Variants in THADA observed in about 807,000 individuals in gnomAD.
The protein encoded by THADA is THADA armadillo repeat containing.
THADA carries 213 observed loss-of-function variants against 219.8 expected under a neutral mutation model. That is an observed-to-expected ratio of 0.97 (90% CI 0.87 to 1.09). The LOEUF (loss-of-function observed/expected upper bound fraction) is 1.09. Ranked by LOEUF, THADA falls within the 50% of genes least tolerant of loss-of-function variation. The pLI, the probability that THADA is intolerant of heterozygous loss-of-function variation, is 0.00. For missense variants in THADA, 2,956 were observed against 2,311.3 expected, an observed-to-expected ratio of 1.28 and a Z score of -5.72; for synonymous variants, 1,018 against 828.9, an observed-to-expected ratio of 1.23 and a Z score of -3.92.
intron 36 of THADA, among the ~76,000 whole-genome samples, chr2:43,268,911 C>G (rs1022736169): frequency 6.6e-6 from 1 of 152,172 alleles, no homozygotes; most frequent in Non-Finnish European, 1.5e-5. Context: ...GAGGAGTCAT[C>G]CTCACTGAAC....
At chr2:43,550,693 C>A (rs1348250321) in intron 19 of THADA, among the ~76,000 whole-genome samples, 2 of 152,196 alleles carry the variant, frequency 1.3e-5, no homozygotes, top group Non-Finnish European at 2.9e-5. Flanking sequence ...TCTGTAGGAT[C>A]TACCCACAGT....
At chr2:43,354,058 C>A (rs547094130) in intron 29 of THADA, among the ~76,000 whole-genome samples, 1 of 152,008 alleles carries the variant, frequency 6.6e-6, no homozygotes, top group Non-Finnish European at 1.5e-5. Flanking sequence ...ACCTCGTGAT[C>A]CGCCCGCCTC....
At chr2:43,414,488 A>G (rs7605725) in intron 28 of THADA, among the ~76,000 whole-genome samples, 51,693 of 152,058 alleles carry the variant, frequency 0.34, 9,023 homozygotes, top group Middle Eastern at 0.42. Context: ...GCTTGAGGTG[A>G]GGAATGAACC....
At chr2:43,588,900 T>A (rs971755811) in intron 4 of THADA, among the ~76,000 whole-genome samples, 1 of 152,164 alleles carries the variant, frequency 6.6e-6, no homozygotes, top group Non-Finnish European at 1.5e-5. Flanking sequence ...AATTACTTTA[T>A]ACCATGTAAT....
chr2:43,436,674 C>G (rs919204474), intron 26 of THADA, among the ~76,000 whole-genome samples: 9 of 152,144 alleles, frequency 5.9e-5, no homozygotes, highest in African/African-American at 2.2e-4. Context: ...TTAAGCAATC[C>G]TTCCAAAACC....
Position 43,291,717 on chromosome 2 carries a change from G to C in THADA, c.4989C>G (p.His1663Gln), listed in dbSNP as rs746846053. The change falls in exon 34 of 38, where the codon CAC (histidine) becomes CAG (glutamine). Residue 1663 changes from histidine (H) to glutamine (Q), a missense_variant. By Grantham distance (24) the His-to-Gln change is conservative. Transcript: ENST00000405975. ...ALRLASKVIS[H>Q]HMQTCVENRE... ...TTACCTCCACACATGTCTGCATGTG[G>C]TGGGAAATGACTTTGGAAGCAAGTC... 64 of 1,557,502 alleles carry C rather than the reference G, an allele frequency of 4.1e-5. No homozygotes were observed. In the Middle Eastern group the frequency reaches 8.0e-3, roughly 195 times the overall value.
At chr2:43,294,596 A>G (rs1675140558) in intron 31 of THADA, among the ~76,000 whole-genome samples, 1 of 152,184 alleles carries the variant, frequency 6.6e-6, no homozygotes, top group Non-Finnish European at 1.5e-5. Flanking sequence ...CTAGTTCTGT[A>G]TGCAACGGAA....
chr2:43,533,145 T>C (rs529522670), intron 21 of THADA, among the ~76,000 whole-genome samples: 1 of 152,300 alleles, frequency 6.6e-6, no homozygotes, highest in East Asian at 1.9e-4. Flanking sequence ...AAAAAGCTCA[T>C]CATCACTGGT....
At chr2:43,492,910 G>GA (rs1687819388) in intron 25 of THADA, among the ~76,000 whole-genome samples, 1 of 152,146 alleles carries the variant, frequency 6.6e-6, no homozygotes, top group Admixed American at 6.5e-5. Flanking sequence ...GAGTGAATTA[G>GA]AAAAAAGGTC....
intron 16 of THADA, among the ~76,000 whole-genome samples, chr2:43,556,919 G>A (rs960566706): frequency 4.0e-5 from 6 of 151,882 alleles, no homozygotes; most frequent in Non-Finnish European, 8.8e-5. Context: ...AAAACTCTAC[G>A]AAAAACCTTA....
At chr2:43,322,863 G>C (rs1678906190) in intron 30 of THADA, among the ~76,000 whole-genome samples, 1 of 151,078 alleles carries the variant, frequency 6.6e-6, no homozygotes, top group African/African-American at 2.4e-5. Context: ...TTTTTTGTAT[G>C]TTTTATTAGA....
chr2:43,535,589 G>A (rs953677185), intron 21 of THADA, among the ~76,000 whole-genome samples: 1 of 143,012 alleles, frequency 7.0e-6, no homozygotes, highest in Admixed American at 7.3e-5. Flanking sequence ...GCTGAGGCAG[G>A]AGAATCGTTT....
chr2:43,518,398 C>G (rs746140937), intron 22 of THADA, among the ~76,000 whole-genome samples: 6 of 152,170 alleles, frequency 3.9e-5, no homozygotes, highest in Non-Finnish European at 4.4e-5. Context: ...ACACATTCAG[C>G]AAATCTCCAC....
chr2:43,524,310 A>C (rs917983761), intron 22 of THADA, among the ~76,000 whole-genome samples: 15 of 152,372 alleles, frequency 9.8e-5, no homozygotes, highest in African/African-American at 3.6e-4. Flanking sequence ...TGATTGTTTA[A>C]TAGTGAAGTC....
At chr2:43,294,944 C>T (rs1675190301) in intron 31 of THADA, among the ~76,000 whole-genome samples, 1 of 152,192 alleles carries the variant, frequency 6.6e-6, no homozygotes, top group Admixed American at 6.5e-5. Flanking sequence ...GTTCTTCACA[C>T]ATGTTCATCA....
chr2:43,476,600 C>T (rs556234183), intron 26 of THADA, among the ~76,000 whole-genome samples: 4 of 152,120 alleles, frequency 2.6e-5, no homozygotes, highest in Middle Eastern at 3.2e-3. Flanking sequence ...TGTTAACAGA[C>T]GGTGCTATTA....
At chr2:43,360,772 A>C (rs1669420406) in intron 29 of THADA, among the ~76,000 whole-genome samples, 4 of 152,210 alleles carry the variant, frequency 2.6e-5, no homozygotes, top group Non-Finnish European at 4.4e-5. Flanking sequence ...CGTTTGGGAA[A>C]GTTCAAAGAG....
chr2:43,368,970 T>C (rs79972019), intron 29 of THADA, among the ~76,000 whole-genome samples: 3,539 of 152,274 alleles, frequency 0.023, 149 homozygotes, highest in African/African-American at 0.081. Context: ...ACCACCACCC[T>C]GCCCCTATCT....
At chr2:43,353,008 T>C (rs947733584) in intron 29 of THADA, among the ~76,000 whole-genome samples, 1 of 152,238 alleles carries the variant, frequency 6.6e-6, no homozygotes, top group Non-Finnish European at 1.5e-5. Flanking sequence ...GACACTTTTC[T>C]GTGTCTGGCT....
Sources: gnomAD v4.1 joint callset for allele counts (sites outside exome capture counted in the v4.1 genomes callset) on GRCh38, gnomAD v4.1.1 for gene constraint, MANE v1.5 for transcripts, NCBI Gene and HGNC (gene_info 2026-07-23, HGNC 2026-07-21) for gene names.